PROSER3: variants seen among roughly 807,000 people sequenced by gnomAD.
PROSER3 encodes the protein proline and serine-rich protein 3.
A neutral mutation model predicts 50.2 loss-of-function variants in PROSER3; 33 were observed. That is an observed-to-expected ratio of 0.66 (90% CI 0.50 to 0.88). The LOEUF (loss-of-function observed/expected upper bound fraction) is 0.88. PROSER3 is among the 40% of genes least tolerant of loss of function. The pLI is 0.00. For missense variants in PROSER3, 623 were observed against 612.7 expected (o/e 1.02, Z -0.18); for synonymous variants, 266 against 259.3 (o/e 1.03, Z -0.25).
chr19:35,768,049 G>A (rs781233366), exon 9 of PROSER3: 12 of 1,581,532 alleles, frequency 7.6e-6, no homozygotes, highest in Non-Finnish European at 3.4e-6. Context: ...CCGCCCTGCT[G>A]CTGCAGGCTG....
At chr19:35,768,650 C>A (rs1010961598) in exon 11 of PROSER3, 3 of 1,395,702 alleles carry the variant, frequency 2.1e-6, no homozygotes, top group Non-Finnish European at 1.9e-6. Flanking sequence ...AGGGGTCATG[C>A]CAATTTAAGG....
chr19:35,770,574 C>T (rs1243280822), downstream of PROSER3, among the ~76,000 whole-genome samples: 1 of 152,092 alleles, frequency 6.6e-6, no homozygotes, highest in African/African-American at 2.4e-5. Context: ...TTCTAAAGTG[C>T]AGTTAGAAAA....
At chr19:35,764,791 T>A (rs1971080664) in intron 5 of PROSER3, 63 bp from the exon 6 acceptor site, 3 of 1,463,982 alleles carry the variant, frequency 2.0e-6, no homozygotes, top group Non-Finnish European at 2.8e-6. Flanking sequence ...AGGCCCTCTG[T>A]TTAGAACCCC....
intron 3 of PROSER3, among the ~76,000 whole-genome samples, chr19:35,761,214 T>C (rs867250337): frequency 1.3e-5 from 2 of 152,286 alleles, no homozygotes; most frequent in Non-Finnish European, 2.9e-5. Context: ...ATATAGTCCA[T>C]AGGAGACTGG....
In PROSER3 at chr19:35,768,006, A is replaced by G. The variant is rs899786224; in HGVS notation, c.1160A>G (p.Asp387Gly). ...CTGGCCCCGCCCCCGCCCGCTGCTG[A>G]CCACGCCCCCTCGGAGGCCCTGCTT... Residue 387 changes from aspartate (D) to glycine (G), a missense_variant, in exon 9 of 11, where the codon GAC becomes GGC. This residue lies in a region of PROSER3 where 380 missense variants were observed against 346.8 expected (regional missense o/e 1.10). Coordinates refer to ENST00000396908, the Ensembl canonical transcript of PROSER3. The G allele has an allele frequency of 2.0e-5, 32 of 1,591,186 alleles. No individual in the cohort carries two copies. Among genetic ancestry groups the G allele is most frequent in the Non-Finnish European group, 2.5e-5 (29 of 1,171,246 alleles).
chr19:35,759,291 C>A, intron 1 of PROSER3, 83 bp from the exon 2 acceptor site: 1 of 1,043,168 alleles, frequency 9.6e-7, no homozygotes, highest in Non-Finnish European at 1.4e-6. Flanking sequence ...TGGGAATTGT[C>A]TGGTTCTGCC....
chr19:35,767,129 C>A, intron 8 of PROSER3: 3 of 854,170 alleles, frequency 3.5e-6, no homozygotes, highest in Non-Finnish European at 5.2e-6. Flanking sequence ...TAACCATGTC[C>A]CACTGTGGAG....
chr19:35,767,467 C>A, intron 8 of PROSER3: 1 of 360,872 alleles, frequency 2.8e-6, no homozygotes, highest in Non-Finnish European at 5.0e-6. Flanking sequence ...CTCCAGCCTC[C>A]ACCCTCGCAT....
At chr19:35,764,095 T>A (rs1372621869) in intron 5 of PROSER3, among the ~76,000 whole-genome samples, 1 of 151,944 alleles carries the variant, frequency 6.6e-6, no homozygotes, top group Non-Finnish European at 1.5e-5. Flanking sequence ...CCTCTGTGCT[T>A]CTCTTTTTTT....
exon 11 of PROSER3, chr19:35,768,411 G>T: frequency 3.8e-6 from 6 of 1,596,238 alleles, no homozygotes; most frequent in Non-Finnish European, 5.1e-6. Context: ...CAGGGAAGCG[G>T]ATGCCCGATT....
intron 8 of PROSER3, chr19:35,767,658 C>G (rs1971199685): frequency 1.9e-6 from 2 of 1,068,946 alleles, no homozygotes; most frequent in South Asian, 3.3e-5. Flanking sequence ...GTAGTGGCAG[C>G]TCGGCTGTTC....
intron 3 of PROSER3, among the ~76,000 whole-genome samples, chr19:35,760,526 C>T (rs1390188804): frequency 6.6e-6 from 1 of 152,090 alleles, no homozygotes. Flanking sequence ...ACTCTTGTTG[C>T]CCAAGTTGGA....
intron 5 of PROSER3, among the ~76,000 whole-genome samples, chr19:35,763,552 G>A (rs1971031197): frequency 7.0e-6 from 1 of 142,098 alleles, no homozygotes; most frequent in Non-Finnish European, 1.5e-5. Context: ...CATCCAGGCT[G>A]GAGTGCAGTG....
intron 3 of PROSER3, 37 bp from the exon 4 acceptor site, chr19:35,761,982 C>T (rs1180585810): frequency 1.3e-6 from 2 of 1,550,762 alleles, no homozygotes; most frequent in South Asian, 2.4e-5. Context: ...TTTGGCTCTC[C>T]TCACTCCACT....
Position 35,768,478 on chromosome 19 carries a change from C to T in PROSER3, c.1376C>T (p.Ser459Leu), listed in dbSNP as rs772306285. Residue 459 changes from serine to leucine, a missense_variant, in exon 11 of 11, where the codon TCG becomes TTG. Coordinates refer to ENST00000396908, the Ensembl canonical transcript of PROSER3. ...GGATCTTGGTCCCCTCCAGCCGGGT[C>T]GCCCCCTAGGTCCCCAAGGAGGCTG... 10 of 1,598,026 alleles carry T rather than the reference C, an allele frequency of 6.3e-6. No homozygotes were observed. In the African/African-American group the frequency reaches 1.1e-4, roughly 17 times the overall value.
At chr19:35,770,433 G>A (rs1971296566), downstream of PROSER3, among the ~76,000 whole-genome samples, 1 of 36,658 alleles carries the variant, frequency 2.7e-5, no homozygotes, top group African/African-American at 3.4e-4. Context: ...TGGACTGTTG[G>A]AAAACTTAAC....
exon 11 of PROSER3, chr19:35,768,564 T>C (rs769733314): frequency 1.2e-5 from 18 of 1,546,662 alleles, no homozygotes; most frequent in Non-Finnish European, 1.5e-5. Context: ...GATTCTATTT[T>C]ACCCAGTGAG....
At chr19:35,763,629 G>A (rs577423819) in intron 5 of PROSER3, among the ~76,000 whole-genome samples, 57 of 148,692 alleles carry the variant, frequency 3.8e-4, no homozygotes, top group Non-Finnish European at 6.4e-4. Context: ...TCAGCCTCCC[G>A]AGTAGCTGGG....
intron 1 of PROSER3, chr19:35,759,033 G>A: frequency 4.7e-6 from 1 of 210,882 alleles, no homozygotes; most frequent in Non-Finnish European, 9.7e-6. Context: ...GAAAAGACAC[G>A]GAGGCCCAGC....
Sources: allele counts gnomAD v4.1 joint callset (sites outside exome capture counted in the v4.1 genomes callset), GRCh38; gene constraint gnomAD v4.1.1; regional missense constraint gnomAD v4.1.1; transcripts MANE v1.5; gene names NCBI Gene and HGNC (gene_info 2026-07-23, HGNC 2026-07-21).